Variants in DRD2 observed in about 807,000 individuals in gnomAD.
DRD2 encodes the protein D(2) dopamine receptor.
Under a neutral mutation model 38.0 loss-of-function variants are expected in DRD2, and 8 were observed. The observed-to-expected ratio is 0.21, with a 90% CI of 0.12 to 0.38. DRD2 has a LOEUF of 0.38. Ranked by LOEUF, DRD2 falls within the 10% of genes least tolerant of loss-of-function variation. The pLI, the probability that DRD2 is intolerant of heterozygous loss-of-function variation, is 1.00. For missense variants in DRD2, 403 were observed against 607.7 expected (o/e 0.66, Z 3.54); for synonymous variants, 230 against 238.6 (o/e 0.96, Z 0.33).
chr11:113,428,647 C>T (rs1260841217), intron 1 of DRD2, among the ~76,000 whole-genome samples: 6 of 152,250 alleles, frequency 3.9e-5, no homozygotes, highest in Non-Finnish European at 8.8e-5. Flanking sequence ...TTAATAGAGA[C>T]AGAATCCCAC....
intron 6 of DRD2, chr11:113,413,262 C>T (rs549710883): frequency 4.0e-5 from 23 of 579,156 alleles, no homozygotes; most frequent in African/African-American, 2.4e-4. Flanking sequence ...ACTCATGTTC[C>T]GACTGCAAAG....
At chr11:113,441,048 A>G (rs1391787961) in intron 1 of DRD2, among the ~76,000 whole-genome samples, 1 of 152,166 alleles carries the variant, frequency 6.6e-6, no homozygotes, top group Non-Finnish European at 1.5e-5. Flanking sequence ...TGACAGAGAG[A>G]GCTTTGATGG....
intron 1 of DRD2, among the ~76,000 whole-genome samples, chr11:113,425,949 C>A (rs1007305970): frequency 6.6e-6 from 1 of 151,866 alleles, no homozygotes; most frequent in Non-Finnish European, 1.5e-5. Context: ...TGTGTCTTGT[C>A]AGCTGGAGAG....
chr11:113,430,047 C>T (rs1046714636), intron 1 of DRD2, among the ~76,000 whole-genome samples: 1 of 152,208 alleles, frequency 6.6e-6, no homozygotes, highest in South Asian at 2.1e-4. Context: ...TGTTCAAATG[C>T]AGCTCACTAG....
chr11:113,457,365 C>T (rs543649335), intron 1 of DRD2, among the ~76,000 whole-genome samples: 1 of 152,308 alleles, frequency 6.6e-6, no homozygotes, highest in African/African-American at 2.4e-5. Flanking sequence ...CTCAGCAATA[C>T]AAAGCGACCC....
At position 113,415,402 on chromosome 11, in the gene DRD2, T is replaced by G. The variant is rs2138162177; in HGVS notation, c.723+19A>C. On this transcript the variant is annotated intron_variant, in intron 5 of 7. Transcript: ENST00000362072. ...GTTAGGTGGGGACCCTTGGAGTTGGTTGGGGGGTGTCTTGAGACCTTTAGT... is the reference window on the plus strand; with the variant it reads ...GTTAGGTGGGGACCCTTGGAGTTGGGTGGGGGGTGTCTTGAGACCTTTAGT... 1 of 1,602,654 alleles carries G rather than the reference T, an allele frequency of 6.2e-7. No homozygotes were observed. Among genetic ancestry groups the G allele is most frequent in the South Asian group, 1.1e-5 (1 of 89,510 alleles).
At chr11:113,424,289 G>A in intron 2 of DRD2, 78 bp downstream of exon 2, 1 of 1,491,882 alleles carries the variant, frequency 6.7e-7, no homozygotes, top group Middle Eastern at 1.7e-4. Flanking sequence ...GTAAAAGCCA[G>A]TGGGGAGCTA....
chr11:113,423,238 C>T (rs1414454955), intron 2 of DRD2, among the ~76,000 whole-genome samples: 1 of 152,082 alleles, frequency 6.6e-6, no homozygotes, highest in Non-Finnish European at 1.5e-5. Context: ...GGCAACTTCT[C>T]CAAAGCTTCT....
At chr11:113,439,884 A>C (rs2119850296) in intron 1 of DRD2, among the ~76,000 whole-genome samples, 1 of 141,056 alleles carries the variant, frequency 7.1e-6, no homozygotes, top group East Asian at 2.2e-4. Context: ...AGCTAAGAGT[A>C]AGACCAGGAA....
rs1047684000 is a variant in DRD2, at chr11:113,414,526, A to C, written c.724-65T>G. The C allele has an allele frequency of 3.9e-6, 6 of 1,542,810 alleles. 1 individual carries two copies. The highest frequency in any genetic ancestry group is 5.4e-6 in the Non-Finnish European group (6 of 1,115,370). On this transcript the variant is annotated intron_variant, in intron 5 of 7. Coordinates refer to ENST00000362072, the MANE Select transcript of DRD2 (RefSeq NM_000795.4). The stretch of plus-strand genomic sequence containing the variant: ...GGGATGGAGGGGGGACAGAAACCCA[A>C]AGTGCAGCAGTCCATGGAACTCAGA...
rs199660782 is a variant in DRD2, at chr11:113,409,625, A to C, written c.*1102T>G. On this transcript the variant is annotated 3_prime_UTR_variant, in exon 8 of 8. Coordinates refer to ENST00000362072, the MANE Select transcript of DRD2 (RefSeq NM_000795.4). ...AGGGGTCCTGGAAGGTGACTCGTCA[A>C]AGTTTTATTAGTTTGGTGCATGGAT... 6.5e-6 allele frequency: 1 copy of C among 152,682 alleles called. No homozygotes were observed. The highest frequency in any genetic ancestry group is 1.5e-5 in the Non-Finnish European group (1 of 68,146). The allele number at this position is 152,682 out of a possible 1,614,324, so 9.5% of individuals were successfully genotyped here. A position where few individuals can be genotyped will look rare whatever the true frequency, so the allele number is the denominator to read the frequency against.
rs151013445 is a variant in DRD2, at chr11:113,430,280, G to T, written c.-31-5598C>A. 6.4e-3 allele frequency among the ~76,000 whole-genome samples: 973 copies of T among 152,328 alleles called. 5 individuals carry two copies. Among genetic ancestry groups the T allele is most frequent in the Middle Eastern group, 0.027 (8 of 294 alleles). On this transcript the variant is annotated intron_variant, in intron 1 of 7. Coordinates refer to ENST00000362072, the MANE Select transcript of DRD2 (RefSeq NM_000795.4). The stretch of plus-strand genomic sequence containing the variant: ...TGGAAGATACAGCTCTCCCAGCCCA[G>T]CTGCTATAGCCGATGACTGTCATAC...
chr11:113,456,728 G>A (rs1951271303), intron 1 of DRD2, among the ~76,000 whole-genome samples: 1 of 152,164 alleles, frequency 6.6e-6, no homozygotes, highest in East Asian at 1.9e-4. Flanking sequence ...AAATGGTGGT[G>A]GCCAGAGGCT....
chr11:113,442,965 T>C (rs1245616383), intron 1 of DRD2, among the ~76,000 whole-genome samples: 1 of 152,170 alleles, frequency 6.6e-6, no homozygotes, highest in African/African-American at 2.4e-5. Flanking sequence ...TTTTCTTATC[T>C]GTAAGCCTAA....
In DRD2 at chr11:113,424,402, C is replaced by T. The variant is rs199961459; in HGVS notation, c.250G>A (p.Ala84Thr). The change falls in exon 2 of 8, where the codon GCC becomes ACC. Residue 84 changes from alanine to threonine, a missense_variant. Around this residue, in one of 4 missense-constraint regions of DRD2, gnomAD observed 162 missense variants for 254.5 expected, o/e 0.64. Coordinates refer to ENST00000362072, the MANE Select transcript of DRD2 (RefSeq NM_000795.4). ...VSLAVADLLV[A>T]TLVMPWVVYL... is the part of the protein sequence containing the mutation. Reference sequence around the variant, plus strand: ...ACAACCCAGGGCATGACCAGTGTGGCGACGAGGAGGTCGGCCACTGCGAGG... The same window carrying T: ...ACAACCCAGGGCATGACCAGTGTGGTGACGAGGAGGTCGGCCACTGCGAGG... 1.9e-6 allele frequency: 3 copies of T among 1,614,126 alleles called. No homozygotes were observed. The highest frequency in any genetic ancestry group is 1.3e-5 in the African/African-American group (1 of 75,034).
Position 113,434,476 on chromosome 11 carries a change from C to T in DRD2, c.-31-9794G>A, listed in dbSNP as rs558881474. Among the ~76,000 whole-genome samples, 3 of 152,344 alleles carry T rather than the reference C, an allele frequency of 2.0e-5. No homozygotes were observed. In the South Asian group the frequency reaches 6.2e-4, roughly 32 times the overall value. On this transcript the variant is annotated intron_variant, in intron 1 of 7. Coordinates refer to ENST00000362072, the MANE Select transcript of DRD2 (RefSeq NM_000795.4). ...CTGTTGACCCTCTGGGTCCCAGTCA[C>T]AGTGGTAGCTGGGGTTGGGTGCCCA...
chr11:113,416,568 C>T (rs557488382), intron 4 of DRD2, among the ~76,000 whole-genome samples: 38 of 152,366 alleles, frequency 2.5e-4, no homozygotes, highest in Non-Finnish European at 4.9e-4. Context: ...CACGTCTTGC[C>T]TCTTCAACTT....
intron 1 of DRD2, among the ~76,000 whole-genome samples, chr11:113,459,791 T>G (rs535332278): frequency 4.6e-5 from 7 of 152,206 alleles, no homozygotes; most frequent in Non-Finnish European, 8.8e-5. Flanking sequence ...GATTGGAATA[T>G]TCTCAACATA....
chr11:113,440,654 T>C (rs996230040), intron 1 of DRD2, among the ~76,000 whole-genome samples: 1 of 152,220 alleles, frequency 6.6e-6, no homozygotes, highest in Non-Finnish European at 1.5e-5. Context: ...CCACCCAGGA[T>C]GATGGGATGC....
Sources: allele counts gnomAD v4.1 joint callset (sites outside exome capture counted in the v4.1 genomes callset), GRCh38; gene constraint gnomAD v4.1.1; regional missense constraint gnomAD v4.1.1; transcripts MANE v1.5; gene names NCBI Gene and HGNC (gene_info 2026-07-23, HGNC 2026-07-21).